F13A1: variants seen among roughly 807,000 people sequenced by gnomAD.
F13A1 encodes coagulation factor XIII A chain.
A neutral mutation model predicts 80.1 loss-of-function variants in F13A1; 47 were observed. The ratio of observed to expected loss-of-function variants is 0.59; its 90% CI spans 0.46 to 0.75. The LOEUF is 0.75. Ranked by LOEUF, F13A1 falls within the 30% of genes least tolerant of loss-of-function variation. The pLI, the probability that F13A1 is intolerant of heterozygous loss-of-function variation, is 0.00. For missense variants in F13A1, 817 were observed against 930.4 expected (o/e 0.88, Z 1.59); for synonymous variants, 349 against 344.9 (o/e 1.01, Z -0.13).
Position 6,212,507 on chromosome 6 carries a change from T to G in F13A1, c.1112+9526A>C, listed in dbSNP as rs979543930. ...GGAAAACTGACAAACAGAAAGGACA[T>G]CCACACCAAAAACCCATCTGTACAT... is the stretch of plus-strand genomic sequence containing the variant. On this transcript the variant is annotated intron_variant, in intron 8 of 14. Transcript: ENST00000264870. Among the ~76,000 whole-genome samples, 18 of 152,238 alleles carry G rather than the reference T, an allele frequency of 1.2e-4. No homozygotes were observed. The East Asian group carries it at 1.5e-3, about 13-fold the overall frequency.
At chr6:6,155,503 CT>C (rs1760456524) in intron 13 of F13A1, among the ~76,000 whole-genome samples, 1 of 152,062 alleles carries the variant, frequency 6.6e-6, no homozygotes, top group Non-Finnish European at 1.5e-5. Flanking sequence ...TAGTGTGTTT[CT>C]TTTGCAATTA....
intron 13 of F13A1, 132 bp downstream of exon 13, chr6:6,167,323 GTAT>G (rs1159475075): frequency 1.4e-5 from 12 of 875,342 alleles, no homozygotes; most frequent in Middle Eastern, 2.5e-4. Flanking sequence ...CCTAGCACTG[GTAT>G]TTTTTTTTTT....
chr6:6,181,871 G>T, intron 11 of F13A1, 117 bp downstream of exon 11: 1 of 1,121,352 alleles, frequency 8.9e-7, no homozygotes, highest in Non-Finnish European at 1.3e-6. Flanking sequence ...TACTTCTGCT[G>T]TTGCTACCAA....
rs78476032 is a variant in F13A1, at chr6:6,162,258, AG to A, written c.1908+5199del. On this transcript the variant is annotated intron_variant, in intron 13 of 14. Transcript: ENST00000264870. This position sits in a 1 kb window ranked among gnomAD's most constrained non-coding sequence, Gnocchi z 4.2. ...GTTACCCTTACTCATCCCTGCTCCC[AG>A]CCTCCACCCCAGCCAAGGCACGCTT... Among the ~76,000 whole-genome samples the A allele has an allele frequency of 0.4, 60,339 of 151,784 alleles. 12,407 individuals carry two copies. The highest frequency in any genetic ancestry group is 0.51 in the Middle Eastern group (149 of 294).
At chr6:6,298,844 T>C (rs1270221) in intron 3 of F13A1, among the ~76,000 whole-genome samples, 5 of 149,436 alleles carry the variant, frequency 3.3e-5, no homozygotes, top group East Asian at 1.9e-4. Flanking sequence ...TTCCTAGTCT[T>C]GATGGTCTTT....
At chr6:6,201,932 C>T (rs1438355923) in intron 8 of F13A1, among the ~76,000 whole-genome samples, 1 of 152,038 alleles carries the variant, frequency 6.6e-6, no homozygotes, top group Admixed American at 6.6e-5. Flanking sequence ...GGAAAACTTC[C>T]TTTAGCATAT....
intron 2 of F13A1, among the ~76,000 whole-genome samples, chr6:6,313,136 T>G (rs1355684218): frequency 6.6e-6 from 1 of 152,216 alleles, no homozygotes; most frequent in Non-Finnish European, 1.5e-5. Context: ...TGATTTTTGC[T>G]TTGTTTACTG....
At chr6:6,189,911 C>A (rs997994909) in intron 10 of F13A1, among the ~76,000 whole-genome samples, 1 of 152,136 alleles carries the variant, frequency 6.6e-6, no homozygotes, top group Non-Finnish European at 1.5e-5. Context: ...TTCTTGGAGG[C>A]TTTTCTGGTT....
At chr6:6,319,972 C>T (rs1267856) in intron 1 of F13A1, among the ~76,000 whole-genome samples, 18,387 of 152,180 alleles carry the variant, frequency 0.12, 1,490 homozygotes, top group East Asian at 0.34. Flanking sequence ...AGGTAGGCTG[C>T]GGCATTGCCA....
intron 2 of F13A1, among the ~76,000 whole-genome samples, chr6:6,317,291 A>G (rs1268069495): frequency 1.3e-5 from 2 of 152,172 alleles, no homozygotes; most frequent in African/African-American, 4.8e-5. Flanking sequence ...ATGAGGATTC[A>G]TTGATTAGCA....
intron 8 of F13A1, among the ~76,000 whole-genome samples, chr6:6,212,672 G>A (rs995694798): frequency 1.1e-4 from 17 of 152,244 alleles, no homozygotes; most frequent in Non-Finnish European, 2.4e-4. Context: ...GAACAAAGCT[G>A]GATGGAGAAT....
chr6:6,178,932 C>T (rs968307480), intron 11 of F13A1, among the ~76,000 whole-genome samples: 1 of 152,160 alleles, frequency 6.6e-6, no homozygotes, highest in Non-Finnish European at 1.5e-5. Context: ...AGAACAACTT[C>T]AAGGAAGTGC....
intron 3 of F13A1, among the ~76,000 whole-genome samples, chr6:6,294,990 C>T (rs1266200079): frequency 6.9e-5 from 10 of 145,532 alleles, no homozygotes; most frequent in Non-Finnish European, 1.0e-4. Flanking sequence ...TGAGAATATG[C>T]GGTGTTTGGT....
intron 13 of F13A1, among the ~76,000 whole-genome samples, chr6:6,156,584 A>G (rs557176104): frequency 6.6e-6 from 1 of 152,196 alleles, no homozygotes; most frequent in African/African-American, 2.4e-5. Flanking sequence ...TTGGCCTGTG[A>G]TCATTTTTGA....
chr6:6,290,747 C>T (rs867208648), intron 3 of F13A1, among the ~76,000 whole-genome samples: 9 of 152,084 alleles, frequency 5.9e-5, no homozygotes, highest in South Asian at 4.1e-4. Flanking sequence ...AAAATAAACA[C>T]GTTGATCATC....
chr6:6,173,835 A>G (rs937677352), intron 12 of F13A1, among the ~76,000 whole-genome samples: 2 of 152,280 alleles, frequency 1.3e-5, no homozygotes, highest in Non-Finnish European at 2.9e-5. Flanking sequence ...GAGATGGATC[A>G]TTTAGATCCA....
intron 4 of F13A1, among the ~76,000 whole-genome samples, chr6:6,254,724 A>G (rs1757681208): frequency 6.6e-6 from 1 of 152,204 alleles, no homozygotes; most frequent in African/African-American, 2.4e-5. Context: ...TGTTTATTTG[A>G]AAAGAACAAT....
intron 3 of F13A1, among the ~76,000 whole-genome samples, chr6:6,277,630 A>T (rs1037397994): frequency 5.3e-5 from 8 of 152,204 alleles, no homozygotes; most frequent in Non-Finnish European, 1.2e-4. Context: ...ATTGCGTAAG[A>T]GACTGATTTC....
intron 8 of F13A1, among the ~76,000 whole-genome samples, chr6:6,220,389 G>A (rs1032636967): frequency 6.6e-5 from 10 of 152,130 alleles, no homozygotes; most frequent in African/African-American, 2.4e-4. Context: ...GGTTACCAAG[G>A]GCAAGATCTA....
Sources: allele counts gnomAD v4.1 joint callset (sites outside exome capture counted in the v4.1 genomes callset), GRCh38; gene constraint gnomAD v4.1.1; non-coding constraint Gnocchi (gnomAD v3.1); transcripts MANE v1.5; gene names NCBI Gene and HGNC (gene_info 2026-07-23, HGNC 2026-07-21).